ARHGEF7: variants seen among roughly 807,000 people sequenced by gnomAD.
The protein encoded by ARHGEF7 is PAK-interacting exchange factor beta.
ARHGEF7 carries 33 observed loss-of-function variants against 109.8 expected under a neutral mutation model. The ratio of observed to expected loss-of-function variants is 0.30; its 90% CI spans 0.23 to 0.40. ARHGEF7 has a LOEUF of 0.40. Among genes scored for constraint, ARHGEF7 ranks in the 10% least tolerant of loss-of-function variants. The pLI, the probability that ARHGEF7 is intolerant of heterozygous loss-of-function variation, is 1.00. For missense variants in ARHGEF7, 938 were observed against 1,098.5 expected (o/e 0.85, Z 2.07); for synonymous variants, 458 against 424.6 (o/e 1.08, Z -0.97).
At chr13:111,171,769 C>A (rs1285942308) in intron 2 of ARHGEF7, among the ~76,000 whole-genome samples, 1 of 152,230 alleles carries the variant, frequency 6.6e-6, no homozygotes, top group Non-Finnish European at 1.5e-5. Context: ...CCCAAATTCC[C>A]ATGTTGAAAT....
intron 1 of ARHGEF7, among the ~76,000 whole-genome samples, chr13:111,132,362 C>G (rs1438535376): frequency 6.6e-6 from 1 of 152,100 alleles, no homozygotes; most frequent in Non-Finnish European, 1.5e-5. Flanking sequence ...TAATATTTCC[C>G]CTTTGATTCA....
At chr13:111,247,045 A>G (rs1032650009) in intron 8 of ARHGEF7, among the ~76,000 whole-genome samples, 3 of 152,158 alleles carry the variant, frequency 2.0e-5, no homozygotes, top group Non-Finnish European at 4.4e-5. Context: ...AAGTTTCTCA[A>G]ATTTTATGCT....
chr13:111,117,943 A>C (rs1364759065), intron 1 of ARHGEF7, among the ~76,000 whole-genome samples: 1 of 152,240 alleles, frequency 6.6e-6, no homozygotes, highest in Non-Finnish European at 1.5e-5. Flanking sequence ...TTTTACTTAA[A>C]TGTGGGAATG....
chr13:111,225,030 G>A (rs1228634201), intron 5 of ARHGEF7, among the ~76,000 whole-genome samples: 1 of 152,160 alleles, frequency 6.6e-6, no homozygotes, highest in Non-Finnish European at 1.5e-5. Context: ...GTACAAAGGG[G>A]TCTTGGAGTA....
chr13:111,238,612 A>G (rs2087189698), intron 6 of ARHGEF7, among the ~76,000 whole-genome samples: 1 of 152,096 alleles, frequency 6.6e-6, no homozygotes, highest in African/African-American at 2.4e-5. Flanking sequence ...AGCTTGGTGG[A>G]TTTGACAGTG....
chr13:111,300,649 G>T (rs1275863184), intron 19 of ARHGEF7, 99 bp from the exon 20 acceptor site: 2 of 808,752 alleles, frequency 2.5e-6, no homozygotes, highest in South Asian at 1.9e-5. Context: ...ATAATTGCTA[G>T]AACTTAATAT....
Position 111,131,028 on chromosome 13 carries a change from C to T in ARHGEF7, c.165+15337C>T, listed in dbSNP as rs831161. Among the ~76,000 whole-genome samples, 115,412 of 152,180 alleles carry T rather than the reference C, an allele frequency of 0.76. 44,469 individuals are homozygous for T. Among genetic ancestry groups the T allele is most frequent in the East Asian group, 0.85 (4,401 of 5,180 alleles). Reference sequence around the variant, plus strand: ...ACAGGGCTGGTGGGCCCTTAGTTTGCAAAGGTTTTGATACTTTTCAAATTT... The same window carrying T: ...ACAGGGCTGGTGGGCCCTTAGTTTGTAAAGGTTTTGATACTTTTCAAATTT... On this transcript the variant is annotated intron_variant, in intron 1 of 21. Transcript: ENST00000646102. The surrounding 1 kb of genome is among the most constrained non-coding windows in gnomAD (Gnocchi z 4.4).
chr13:111,259,167 G>A (rs770471014), intron 8 of ARHGEF7, among the ~76,000 whole-genome samples: 8 of 152,194 alleles, frequency 5.3e-5, no homozygotes, highest in Non-Finnish European at 5.9e-5. Context: ...TCACCGTCCT[G>A]AAGGAAAGGA....
At chr13:111,216,997 A>G (rs2083232134) in intron 4 of ARHGEF7, among the ~76,000 whole-genome samples, 1 of 152,164 alleles carries the variant, frequency 6.6e-6, no homozygotes, top group Admixed American at 6.5e-5. Flanking sequence ...GGCAATATTG[A>G]GTGTTGGTGG....
chr13:111,154,759 T>G (rs2076174746), intron 2 of ARHGEF7, among the ~76,000 whole-genome samples: 1 of 152,202 alleles, frequency 6.6e-6, no homozygotes, highest in South Asian at 2.1e-4. Flanking sequence ...GGGTAGCACT[T>G]TAAATACAGA....
rs2093608446 is a variant in ARHGEF7 at position 111,303,277 on chromosome 13, T to A, written c.*164T>A. The A allele has an allele frequency of 1.6e-6, 1 of 631,108 alleles. No homozygotes were observed. Among genetic ancestry groups the A allele is most frequent in the East Asian group, 2.9e-5 (1 of 34,330 alleles). 39.1% of individuals were successfully genotyped at this position (631,108 alleles called of 1,614,324 possible). A position where few individuals can be genotyped will look rare whatever the true frequency, so the allele number is the denominator to read the frequency against. ...GAGCTTATTCTGCGAATGGAGACGA[T>A]CAAACCATGACTGATGAATCCAGAC... On this transcript the variant is annotated 3_prime_UTR_variant, in exon 22 of 22. Coordinates refer to ENST00000646102, the MANE Select transcript of ARHGEF7 (RefSeq NM_001354046.2).
chr13:111,263,442 C>T (rs1023077934), intron 8 of ARHGEF7, among the ~76,000 whole-genome samples: 1 of 152,206 alleles, frequency 6.6e-6, no homozygotes, highest in Non-Finnish European at 1.5e-5. Flanking sequence ...AAATGAAAAT[C>T]AGTTTATCCA....
intron 18 of ARHGEF7, among the ~76,000 whole-genome samples, chr13:111,290,118 T>A (rs1347527090): frequency 6.6e-6 from 1 of 152,202 alleles, no homozygotes. Flanking sequence ...TGGCCATAAA[T>A]TTTTGGATTT....
intron 8 of ARHGEF7, among the ~76,000 whole-genome samples, chr13:111,247,675 T>C (rs1043917052): frequency 6.6e-6 from 1 of 151,908 alleles, no homozygotes; most frequent in Non-Finnish European, 1.5e-5. Context: ...GACCCAGGAG[T>C]TGGCAAACTA....
intron 1 of ARHGEF7, among the ~76,000 whole-genome samples, chr13:111,126,738 T>A (rs1216568802): frequency 6.6e-6 from 1 of 152,178 alleles, no homozygotes. Context: ...CTATCTAGGG[T>A]TGGCTCTTCA....
At chr13:111,235,469 C>T (rs2086681890) in intron 6 of ARHGEF7, among the ~76,000 whole-genome samples, 1 of 152,202 alleles carries the variant, frequency 6.6e-6, no homozygotes, top group Non-Finnish European at 1.5e-5. Context: ...CTCTTTCATA[C>T]AGAATGATGG....
At chr13:111,229,826 T>C (rs1251312094) in intron 5 of ARHGEF7, among the ~76,000 whole-genome samples, 1 of 152,226 alleles carries the variant, frequency 6.6e-6, no homozygotes, top group African/African-American at 2.4e-5. Flanking sequence ...GTGGTCCTGC[T>C]AAGCAGGTGC....
At chr13:111,156,978 C>G (rs1347558475) in intron 2 of ARHGEF7, among the ~76,000 whole-genome samples, 1 of 152,096 alleles carries the variant, frequency 6.6e-6, no homozygotes, top group Non-Finnish European at 1.5e-5. Context: ...TTAAGCTCTG[C>G]TAAGATTTGT....
At chr13:111,264,642 AC>A (rs1282861651) in intron 8 of ARHGEF7, among the ~76,000 whole-genome samples, 3 of 152,198 alleles carry the variant, frequency 2.0e-5, no homozygotes, top group Non-Finnish European at 2.9e-5. Flanking sequence ...TCTTGCTCAG[AC>A]AGAGATCAAA....
Sources: gnomAD v4.1 joint callset for allele counts (sites outside exome capture counted in the v4.1 genomes callset) on GRCh38, gnomAD v4.1.1 for gene constraint, Gnocchi (gnomAD v3.1) non-coding constraint, MANE v1.5 for transcripts, NCBI Gene and HGNC (gene_info 2026-07-23, HGNC 2026-07-21) for gene names.